The following SLC2A2 variants were observed in gnomAD, a reference collection of about 807,000 sequenced individuals.
SLC2A2 encodes the protein solute carrier family 2 member 2, also known as solute carrier family 2, facilitated glucose transporter member 2.
A neutral mutation model predicts 54.5 loss-of-function variants in SLC2A2; 36 were observed. The observed-to-expected ratio is 0.66, with a 90% confidence interval of 0.51 to 0.87. The LOEUF is 0.87. Among genes scored for constraint, SLC2A2 ranks in the 40% least tolerant of loss-of-function variants. SLC2A2 has a pLI of 0.00. For missense variants in SLC2A2, 543 were observed against 624.3 expected (o/e 0.87, Z 1.39); for synonymous variants, 223 against 219.1 (o/e 1.02, Z -0.16).
chr3:171,009,766 A>G (rs936190021), intron 4 of SLC2A2, among the ~76,000 whole-genome samples, 192 bp downstream of exon 4: 2 of 152,100 alleles, frequency 1.3e-5, no homozygotes, highest in Non-Finnish European at 2.9e-5. Context: ...TGATAGCATC[A>G]TAATTCCTAC....
rs1560039807 is a variant in SLC2A2, at chr3:171,014,540, A to C, written c.300T>G (p.Ser100=). ...TTCCACCAACTGCAAAGCTGGATAC[A>C]GACAGGGACCAGAGCATGGTGATTA... is the stretch of plus-strand genomic sequence containing the variant. ...AQLITMLWSL[S]VSSFAVGGMT... is the part of the protein sequence containing the mutation. The change falls in exon 3 of 11, where the codon TCT becomes TCG. Residue 100 remains serine, a synonymous_variant. Transcript: ENST00000314251. 2 of 1,614,202 alleles carry C rather than the reference A, an allele frequency of 1.2e-6. No homozygotes were observed. The highest frequency in any genetic ancestry group is 2.2e-5 in the East Asian group (1 of 44,884).
chr3:171,023,762 C>T (rs560077658), intron 1 of SLC2A2, among the ~76,000 whole-genome samples: 1 of 152,270 alleles, frequency 6.6e-6, no homozygotes, highest in South Asian at 2.1e-4. Context: ...AAAGAGTAAA[C>T]AGCTTGTCCA....
At chr3:171,018,956 A>G (rs1716289891) in intron 1 of SLC2A2, among the ~76,000 whole-genome samples, 2 of 152,044 alleles carry the variant, frequency 1.3e-5, no homozygotes, top group South Asian at 2.1e-4. Context: ...TGCATAAAAT[A>G]TATGAGAAAA....
At position 171,007,204 on chromosome 3, in the gene SLC2A2, C is replaced by G; in HGVS notation, c.556G>C (p.Gly186Arg). ...AGCTGATGAAAAGTGCCAAGTGCTC[C>G]CCTGAGAGCGGTTGGAGCAATTTCA... The part of the protein sequence containing the change: ...IGEIAPTALR[G>R]ALGTFHQLAI... The change falls in exon 5 of 11, where the codon GGA becomes CGA. Residue 186 changes from glycine to arginine, a missense_variant. By Grantham distance (125) the Gly-to-Arg change is moderately radical. Around this residue, in one of 3 missense-constraint regions of SLC2A2, gnomAD observed 318 missense variants for 343.8 expected, o/e 0.93. Transcript: ENST00000314251. 6.2e-7 allele frequency: 1 copy of G among 1,612,772 alleles called. No individual in the cohort carries two copies. The highest frequency in any genetic ancestry group is 8.5e-7 in the Non-Finnish European group (1 of 1,179,206).
chr3:171,004,462 C>T (rs1327513781), intron 7 of SLC2A2, among the ~76,000 whole-genome samples: 2 of 151,918 alleles, frequency 1.3e-5, no homozygotes, highest in Non-Finnish European at 2.9e-5. Flanking sequence ...GGAATTACTT[C>T]CTTTGCCTCC....
intron 7 of SLC2A2, among the ~76,000 whole-genome samples, chr3:171,002,963 A>G (rs576951707): frequency 8.2e-4 from 125 of 152,134 alleles, no homozygotes; most frequent in African/African-American, 3.0e-3. Flanking sequence ...AAAGTATAAT[A>G]TACATAGAAA....
chr3:171,009,797 A>G (rs1576833382), intron 4 of SLC2A2, among the ~76,000 whole-genome samples, 161 bp downstream of exon 4: 1 of 152,032 alleles, frequency 6.6e-6, no homozygotes, highest in East Asian at 1.9e-4. Flanking sequence ...CAAACCTCCC[A>G]ACTCAGGATT....
At chr3:170,998,481 C>G in intron 9 of SLC2A2, 85 bp from the exon 10 acceptor site, 1 of 997,706 alleles carries the variant, frequency 1.0e-6, no homozygotes, top group Non-Finnish European at 1.6e-6. Flanking sequence ...AGTTCACAGG[C>G]GGCATACAAC....
Position 171,014,478 on chromosome 3 carries a change from G to A in SLC2A2, c.362C>T (p.Thr121Ile), listed in dbSNP as rs772002572. ...TATGAAATTTGCCTACCTTCCAAGT[G>A]TGTCCCCAAGCCACCCACCAAAGAA... ...ASFFGGWLGD[T>I]LGRIKAMLVA... Residue 121 changes from threonine (T) to isoleucine (I), a missense_variant, in exon 3 of 11, where the codon ACA becomes ATA. Around this residue, in one of 3 missense-constraint regions of SLC2A2, gnomAD observed 318 missense variants for 343.8 expected, o/e 0.93. Transcript: ENST00000314251. The A allele has an allele frequency of 6.8e-6, 11 of 1,613,982 alleles. No individual in the cohort carries two copies. The highest frequency in any genetic ancestry group is 1.3e-5 in the African/African-American group (1 of 74,908).
At chr3:171,008,215 T>A (rs774240923) in intron 4 of SLC2A2, among the ~76,000 whole-genome samples, 1 of 152,142 alleles carries the variant, frequency 6.6e-6, no homozygotes, top group Non-Finnish European at 1.5e-5. Flanking sequence ...ACAATTGTTT[T>A]CAAAATATAT....
At chr3:171,010,582 T>C (rs1715837654) in intron 3 of SLC2A2, among the ~76,000 whole-genome samples, 1 of 152,186 alleles carries the variant, frequency 6.6e-6, no homozygotes, top group Admixed American at 6.6e-5. Flanking sequence ...ATTCTATAGT[T>C]GTAACCTACA....
chr3:171,012,327 G>T (rs1715929153), intron 3 of SLC2A2, among the ~76,000 whole-genome samples: 1 of 152,170 alleles, frequency 6.6e-6, no homozygotes, highest in Non-Finnish European at 1.5e-5. Flanking sequence ...GCTATTAAGT[G>T]ACAGATCTTG....
rs116352021 is a variant in SLC2A2, at chr3:171,007,838, G to A, written c.497-575C>T. The stretch of plus-strand genomic sequence containing the variant: ...GGTAGAAGAGGTTAAGGATCTTAAG[G>A]ACTCTTCCCCAGTTAGAAACCAGGG... On this transcript the variant is annotated intron_variant, in intron 4 of 10. Coordinates refer to ENST00000314251, the MANE Select transcript of SLC2A2 (RefSeq NM_000340.2). 3.7e-3 allele frequency among the ~76,000 whole-genome samples: 565 copies of A among 152,122 alleles called. 2 individuals are homozygous for A. The highest frequency in any genetic ancestry group is 6.7e-3 in the Non-Finnish European group (456 of 67,946).
At chr3:171,010,301 G>A (rs1715824057) in intron 3 of SLC2A2, among the ~76,000 whole-genome samples, 1 of 152,038 alleles carries the variant, frequency 6.6e-6, no homozygotes, top group Non-Finnish European at 1.5e-5. Flanking sequence ...AACCTAGGTT[G>A]CATCCACCTG....
rs1167988095 is a variant in SLC2A2 at position 171,026,681 on chromosome 3, G to T, written c.-11C>A. 1 of 1,612,690 alleles carries T rather than the reference G, an allele frequency of 6.2e-7. No homozygotes were observed. Among genetic ancestry groups the T allele is most frequent in the Non-Finnish European group, 8.5e-7 (1 of 1,178,690 alleles). On this transcript the variant is annotated 5_prime_UTR_variant, in exon 1 of 11. Transcript: ENST00000314251. ...CTTATCTTCTGTCATTGTACTAGTT[G>T]GGAGTCCTGTCAATTCCAGGTCTTG...
At position 171,005,285 on chromosome 3, in the gene SLC2A2, G is replaced by A. The variant is rs376134439; in HGVS notation, c.963C>T (p.Gly321=). 23 of 1,611,828 alleles carry A rather than the reference G, an allele frequency of 1.4e-5. No individual in the cohort carries two copies. The highest frequency in any genetic ancestry group is 5.4e-5 in the African/African-American group (4 of 74,736). Residue 321 remains glycine, a splice_region_variant and synonymous_variant, in exon 7 of 11, where the codon GGC becomes GGT. Transcript: ENST00000314251. ...AGTTAGTGGGTGTTCTTAAACTTAC[G>A]CCATTGATTCCGGAAAATTGCTGAG... ...HVAQQFSGIN[G]IFYYSTSIFQ...
intron 1 of SLC2A2, among the ~76,000 whole-genome samples, chr3:171,023,027 A>T (rs777609593): frequency 1.3e-5 from 2 of 152,244 alleles, no homozygotes; most frequent in Non-Finnish European, 2.9e-5. Flanking sequence ...TTTTATTAGA[A>T]TAACAAAAAT....
intron 8 of SLC2A2, among the ~76,000 whole-genome samples, chr3:170,999,637 A>G (rs11923694): frequency 0.19 from 29,501 of 151,978 alleles, 3,690 homozygotes; most frequent in African/African-American, 0.36. Flanking sequence ...AAACAGTACA[A>G]CTGTTCAGGT....
rs1229962724 is a variant in SLC2A2 at position 171,019,085 on chromosome 3, A to ATG, written c.16-464_16-463dup. ...TGTGTGTGTGTGTGTGTATATATAT[A>ATG]TGTGTGTGTGTGTATATATATATAT... On this transcript the variant is annotated intron_variant, in intron 1 of 10. Coordinates refer to ENST00000314251, the MANE Select transcript of SLC2A2 (RefSeq NM_000340.2). Among the ~76,000 whole-genome samples, 160 of 79,406 alleles carry ATG rather than the reference A, an allele frequency of 2.0e-3. 1 individual carries two copies. The highest frequency in any genetic ancestry group is 0.015 in the East Asian group (53 of 3,556). 52.1% of individuals were successfully genotyped at this position (79,406 alleles called of 152,430 possible). A position where few individuals can be genotyped will look rare whatever the true frequency, so the allele number is the denominator to read the frequency against.
Sources: gnomAD v4.1 joint callset for allele counts (sites outside exome capture counted in the v4.1 genomes callset) on GRCh38, gnomAD v4.1.1 for gene constraint, gnomAD v4.1.1 regional missense constraint, MANE v1.5 for transcripts, NCBI Gene and HGNC (gene_info 2026-07-23, HGNC 2026-07-21) for gene names.